The following PLCXD3 variants were observed in gnomAD, a reference collection of about 807,000 sequenced individuals.
The protein encoded by PLCXD3 is PI-PLC X domain-containing protein 3.
In PLCXD3, 19 loss-of-function variants were observed where a neutral mutation model predicts 25.5. The observed-to-expected ratio is 0.75, with a 90% CI of 0.52 to 1.09. The LOEUF (loss-of-function observed/expected upper bound fraction) is 1.09. Ranked by LOEUF, PLCXD3 falls within the 50% of genes least tolerant of loss-of-function variation. The probability of loss-of-function intolerance (pLI) is 0.00; values close to 1 mark genes in which losing one functional copy is unlikely to be tolerated. For synonymous variants in PLCXD3, 174 were observed against 137.6 expected (o/e 1.26, Z -1.85); for missense variants, 411 against 388.1 (o/e 1.06, Z -0.50).
At chr5:41,490,502 A>G (rs1398978454) in intron 1 of PLCXD3, among the ~76,000 whole-genome samples, 3 of 152,134 alleles carry the variant, frequency 2.0e-5, no homozygotes, top group Non-Finnish European at 4.4e-5. Flanking sequence ...ATAGTTTCAG[A>G]AGGAATGGTA....
At chr5:41,371,063 T>C (rs1400281222) in intron 2 of PLCXD3, among the ~76,000 whole-genome samples, 1 of 152,146 alleles carries the variant, frequency 6.6e-6, no homozygotes, top group Non-Finnish European at 1.5e-5. Context: ...TTTGAAGAGT[T>C]TGCATTTTCA....
intron 1 of PLCXD3, among the ~76,000 whole-genome samples, chr5:41,416,526 C>A (rs934600087): frequency 1.3e-5 from 2 of 152,102 alleles, no homozygotes; most frequent in African/African-American, 2.4e-5. Context: ...AGATGGGAAA[C>A]CAGTGTAGTG....
rs372704132 is a variant in PLCXD3 at position 41,487,042 on chromosome 5, T to G, written c.103+23382A>C. Among the ~76,000 whole-genome samples, 305 of 152,056 alleles carry G rather than the reference T, an allele frequency of 2.0e-3. 1 individual carries two copies. The highest frequency in any genetic ancestry group is 6.8e-3 in the African/African-American group (282 of 41,534). On this transcript the variant is annotated intron_variant, in intron 1 of 2. Coordinates refer to ENST00000377801, the MANE Select transcript of PLCXD3 (RefSeq NM_001005473.3). The stretch of plus-strand genomic sequence containing the variant: ...AAAGCAGTGTTAAAAATAACATACT[T>G]TTTTTTCTGAAGGCACGGTCCAATC...
chr5:41,424,701 AT>A (rs1170381141), intron 1 of PLCXD3, among the ~76,000 whole-genome samples: 1 of 151,770 alleles, frequency 6.6e-6, no homozygotes, highest in African/African-American at 2.4e-5. Context: ...TATTTATTCT[AT>A]TTTTTCACAT....
rs771052464 is a variant in PLCXD3, at chr5:41,382,161, G to T, written c.477C>A (p.Val159=). ...TTCCATAGATGTCTTTCAGCATTTG[G>T]ACCAGTTTTTCATGGTGATATTTCT... is the stretch of plus-strand genomic sequence containing the variant. ...GMQKYHHEKL[V]QMLKDIYGNK... Residue 159 remains valine, a synonymous_variant, in exon 2 of 3, where the codon GTC becomes GTA. Coordinates refer to ENST00000377801, the MANE Select transcript of PLCXD3 (RefSeq NM_001005473.3). 9 of 1,613,598 alleles carry T rather than the reference G, an allele frequency of 5.6e-6. No homozygotes were observed. The highest frequency in any genetic ancestry group is 7.6e-6 in the Non-Finnish European group (9 of 1,179,796).
intron 1 of PLCXD3, among the ~76,000 whole-genome samples, chr5:41,509,769 C>G (rs1291121294): frequency 3.9e-5 from 6 of 152,220 alleles, no homozygotes; most frequent in African/African-American, 1.4e-4. Context: ...AGACTCGAGA[C>G]AGCGGCCACT....
Position 41,312,713 on chromosome 5 carries a change from C to CTTCCTTCCTTCCTTCG in PLCXD3, c.*903_*904insCGAAGGAAGGAAGGAA, listed in dbSNP as rs1391656939. On this transcript the variant is annotated 3_prime_UTR_variant, in exon 3 of 3. Transcript: ENST00000377801. Reference sequence around the variant, plus strand: ...CCTTCCTTCCTTCCTTCCTTCCTTCCTTCCTTCCTTCCTTCCTTCCTTCTG... The same window carrying CTTCCTTCCTTCCTTCG: ...CCTTCCTTCCTTCCTTCCTTCCTTCCTTCCTTCCTTCCTTCGTTCCTTCCTTCCTTCCTTCCTTCTG... 1 of 146,110 alleles carries CTTCCTTCCTTCCTTCG rather than the reference C, an allele frequency of 6.8e-6. No homozygotes were observed. The highest frequency in any genetic ancestry group is 1.5e-5 in the Non-Finnish European group (1 of 66,698). The allele number at this position is 146,110 out of a possible 1,614,324, so 9.1% of individuals were successfully genotyped here.
chr5:41,377,720 T>A (rs776435204), intron 2 of PLCXD3, among the ~76,000 whole-genome samples: 7 of 152,186 alleles, frequency 4.6e-5, no homozygotes, highest in South Asian at 2.1e-4. Context: ...CTAGATTTAG[T>A]TTCCCTGAAA....
At chr5:41,488,176 T>C (rs80115642) in intron 1 of PLCXD3, among the ~76,000 whole-genome samples, 1 of 150,910 alleles carries the variant, frequency 6.6e-6, no homozygotes, top group Admixed American at 6.6e-5. Context: ...TATGCGGTGT[T>C]TGTTTGGTTT....
At chr5:41,463,138 G>A (rs868207626) in intron 1 of PLCXD3, among the ~76,000 whole-genome samples, 10 of 152,030 alleles carry the variant, frequency 6.6e-5, no homozygotes, top group Non-Finnish European at 1.3e-4. Context: ...ATAATCAATT[G>A]TATACAACAG....
intron 1 of PLCXD3, among the ~76,000 whole-genome samples, chr5:41,475,207 T>G (rs1748253752): frequency 6.6e-6 from 1 of 152,226 alleles, no homozygotes; most frequent in East Asian, 1.9e-4. Flanking sequence ...TCCCCTTCTT[T>G]GTATCTCTAG....
intron 1 of PLCXD3, among the ~76,000 whole-genome samples, chr5:41,436,926 T>C (rs2150510472): frequency 6.6e-6 from 1 of 152,358 alleles, no homozygotes; most frequent in African/African-American, 2.4e-5. Context: ...ACATATATAC[T>C]TAAATGAAAG....
rs532534941 is a variant in PLCXD3, at chr5:41,454,973, G to T, written c.103+55451C>A. Reference sequence around the variant, plus strand: ...AAGGCACCTTCTTCACAAGGCAGCAGGAAGGAGAAAAGCTGAGCAAAGGGA... The same window carrying T: ...AAGGCACCTTCTTCACAAGGCAGCATGAAGGAGAAAAGCTGAGCAAAGGGA... On this transcript the variant is annotated intron_variant, in intron 1 of 2. Transcript: ENST00000377801. 2.0e-5 allele frequency among the ~76,000 whole-genome samples: 3 copies of T among 151,994 alleles called. No homozygotes were observed. In the South Asian group the frequency reaches 6.2e-4, roughly 32 times the overall value.
intron 1 of PLCXD3, among the ~76,000 whole-genome samples, chr5:41,499,553 C>T (rs1301952476): frequency 6.6e-6 from 1 of 151,684 alleles, no homozygotes; most frequent in African/African-American, 2.4e-5. Context: ...TAATATTGCT[C>T]AAATGTTACC....
chr5:41,398,324 A>G (rs562792708), intron 1 of PLCXD3, among the ~76,000 whole-genome samples: 1 of 152,012 alleles, frequency 6.6e-6, no homozygotes, highest in African/African-American at 2.4e-5. Context: ...GGTGTGTAGA[A>G]CTTTCCTGTT....
chr5:41,325,090 G>T (rs1743587746), intron 2 of PLCXD3, among the ~76,000 whole-genome samples: 1 of 152,178 alleles, frequency 6.6e-6, no homozygotes, highest in African/African-American at 2.4e-5. Context: ...CCACGGAGAG[G>T]TTAGGAGAAC....
At chr5:41,388,521 C>T (rs1224864728) in intron 1 of PLCXD3, among the ~76,000 whole-genome samples, 1 of 152,022 alleles carries the variant, frequency 6.6e-6, no homozygotes, top group African/African-American at 2.4e-5. Context: ...GATTGTGCTG[C>T]ATTGCAGTTT....
chr5:41,326,564 A>G (rs915901641), intron 2 of PLCXD3, among the ~76,000 whole-genome samples: 3 of 151,982 alleles, frequency 2.0e-5, no homozygotes, highest in African/African-American at 7.3e-5. Flanking sequence ...TCCCCAAAAC[A>G]TGCTCTGCAG....
intron 1 of PLCXD3, among the ~76,000 whole-genome samples, chr5:41,385,014 A>G (rs1225121133): frequency 2.6e-5 from 4 of 152,108 alleles, no homozygotes; most frequent in Admixed American, 6.6e-5. Flanking sequence ...AATATATAAT[A>G]TAGTGTTGGC....
Sources: allele counts gnomAD v4.1 joint callset (sites outside exome capture counted in the v4.1 genomes callset), GRCh38; gene constraint gnomAD v4.1.1; transcripts MANE v1.5; gene names NCBI Gene and HGNC (gene_info 2026-07-23, HGNC 2026-07-21).